RBKS: variants seen among roughly 807,000 people sequenced by gnomAD.
The protein encoded by RBKS is ribokinase.
RBKS carries 33 observed loss-of-function variants against 33.9 expected under a neutral mutation model. The observed-to-expected ratio is 0.97, with a 90% CI of 0.74 to 1.30. The LOEUF (loss-of-function observed/expected upper bound fraction) is 1.30, where lower values mean the gene tolerates loss of function less well. Ranked by LOEUF, RBKS falls within the 50% of genes most tolerant of loss-of-function variation. RBKS has a pLI of 0.00. For missense variants in RBKS, 361 were observed against 392.6 expected (o/e 0.92, Z 0.68); for synonymous variants, 125 against 143.0 (o/e 0.87, Z 0.90).
At chr2:27,791,244 C>T (rs1266953046) in intron 7 of RBKS, among the ~76,000 whole-genome samples, 1 of 152,044 alleles carries the variant, frequency 6.6e-6, no homozygotes, top group African/African-American at 2.4e-5. Context: ...GAATGATGCC[C>T]ACATAGCTGG....
At chr2:27,872,151 C>T (rs965546076) in intron 1 of RBKS, among the ~76,000 whole-genome samples, 2 of 152,194 alleles carry the variant, frequency 1.3e-5, no homozygotes, top group Admixed American at 1.3e-4. Context: ...GTTCTTAACA[C>T]ACCACAGATC....
intron 7 of RBKS, among the ~76,000 whole-genome samples, chr2:27,823,678 G>A (rs1209236885): frequency 6.6e-6 from 1 of 152,116 alleles, no homozygotes; most frequent in South Asian, 2.1e-4. Context: ...GAAAGTGCTG[G>A]ATGAGAGGAC....
chr2:27,832,697 T>A lies in RBKS; in HGVS notation c.595A>T (p.Asn199Tyr). The change falls in exon 6 of 8, where the codon AAT (asparagine) becomes TAT (tyrosine). Residue 199 changes from asparagine (N) to tyrosine (Y), a missense_variant. Physicochemically the swap from Asn to Tyr is moderately radical, Grantham distance 143 (BLOSUM62 -2). Transcript: ENST00000302188. ...CAATTCACCCTTACCTCACTTTCAT[T>A]GCAGCAGAACACATCTGAGAGGGTG... ...FYTLSDVFCCNESEAEILTGL... is the reference protein window; with the variant it reads ...FYTLSDVFCCYESEAEILTGL... 1 of 1,611,274 alleles carries A rather than the reference T, an allele frequency of 6.2e-7. No homozygotes were observed. The highest frequency in any genetic ancestry group is 8.5e-7 in the Non-Finnish European group (1 of 1,177,636).
chr2:27,865,276 C>T (rs933010185), intron 1 of RBKS, among the ~76,000 whole-genome samples: 27 of 152,228 alleles, frequency 1.8e-4, no homozygotes, highest in African/African-American at 5.1e-4. Flanking sequence ...GCCGAGATCG[C>T]GCCACTGAAC....
At position 27,810,287 on chromosome 2, in the gene RBKS, G is replaced by C. The variant is rs116792088; in HGVS notation, c.795+17280C>G. On this transcript the variant is annotated intron_variant, in intron 7 of 7. Coordinates refer to ENST00000302188, the MANE Select transcript of RBKS (RefSeq NM_022128.3). The surrounding 1 kb of genome is among the most constrained non-coding windows in gnomAD (Gnocchi z 4.4). ...TAGTGTCTAAGGCACAGGTGGTAGG[G>C]CAAGTATCTGAACTAGCATTATGTT... Among the ~76,000 whole-genome samples, 2,692 of 152,230 alleles carry C rather than the reference G, an allele frequency of 0.018. 84 individuals are homozygous for C. Among genetic ancestry groups the C allele is most frequent in the African/African-American group, 0.06 (2,506 of 41,520 alleles).
chr2:27,801,963 AATATATAT>A (rs869036134), intron 7 of RBKS, among the ~76,000 whole-genome samples: 11 of 47,614 alleles, frequency 2.3e-4, no homozygotes, highest in Admixed American at 2.7e-4. Context: ...AAAAAAAAAA[AATATATAT>A]ATATATATAT....
At chr2:27,847,207 C>T in intron 3 of RBKS, 103 bp from the exon 4 acceptor site, 1 of 663,920 alleles carries the variant, frequency 1.5e-6, no homozygotes, top group Non-Finnish European at 2.7e-6. Context: ...ACCTTTTTAA[C>T]CTTTAACCAT....
At chr2:27,817,140 G>C (rs540850629) in intron 7 of RBKS, among the ~76,000 whole-genome samples, 2 of 152,282 alleles carry the variant, frequency 1.3e-5, no homozygotes, top group African/African-American at 4.8e-5. Context: ...ATTATTTGCA[G>C]AGGGCCTGTT....
chr2:27,784,144 C>G (rs1244592922), intron 7 of RBKS, among the ~76,000 whole-genome samples: 1 of 149,796 alleles, frequency 6.7e-6, no homozygotes, highest in Non-Finnish European at 1.5e-5. Context: ...CCACTACGCC[C>G]GGCTAATTTT....
chr2:27,790,055 C>T (rs978859102), intron 7 of RBKS, among the ~76,000 whole-genome samples: 2 of 150,206 alleles, frequency 1.3e-5, no homozygotes, highest in African/African-American at 4.9e-5. Context: ...GTCTTGAACT[C>T]CTAGGCTCAA....
At chr2:27,856,478 G>A (rs1396466119) in intron 2 of RBKS, among the ~76,000 whole-genome samples, 2 of 152,082 alleles carry the variant, frequency 1.3e-5, no homozygotes, top group Non-Finnish European at 2.9e-5. Flanking sequence ...CATTTCCCAC[G>A]TTCAGTTCCA....
intron 7 of RBKS, among the ~76,000 whole-genome samples, chr2:27,822,103 T>C (rs1678223546): frequency 6.6e-6 from 1 of 151,554 alleles, no homozygotes; most frequent in Non-Finnish European, 1.5e-5. Context: ...AGAAGAAGAG[T>C]CTGCTGGGGA....
chr2:27,853,134 G>C (rs1437553392), intron 2 of RBKS, among the ~76,000 whole-genome samples: 1 of 152,116 alleles, frequency 6.6e-6, no homozygotes, highest in Non-Finnish European at 1.5e-5. Flanking sequence ...GGGAGGCTGA[G>C]GTGGTAAGAC....
chr2:27,781,476 A>C lies in RBKS; in HGVS notation c.*139T>G. ...AGAATCATCGTTATAAATAAATTGA[A>C]GCTTGAGGATGACTTCGTAAAAGAA... On this transcript the variant is annotated 3_prime_UTR_variant, in exon 8 of 8. Coordinates refer to ENST00000302188, the MANE Select transcript of RBKS (RefSeq NM_022128.3). The C allele has an allele frequency of 1.6e-6, 1 of 635,868 alleles. No homozygotes were observed. Among genetic ancestry groups the C allele is most frequent in the Non-Finnish European group, 2.6e-6 (1 of 380,336 alleles). 39.4% of individuals were successfully genotyped at this position (635,868 alleles called of 1,614,324 possible).
intron 7 of RBKS, among the ~76,000 whole-genome samples, chr2:27,806,999 T>C (rs1246184631): frequency 1.3e-5 from 2 of 152,182 alleles, no homozygotes; most frequent in Non-Finnish European, 2.9e-5. Flanking sequence ...CCAAGTCTAA[T>C]GATTAAGGTG....
intron 7 of RBKS, among the ~76,000 whole-genome samples, chr2:27,796,748 C>G (rs929897120): frequency 3.3e-5 from 5 of 151,998 alleles, no homozygotes; most frequent in South Asian, 2.1e-4. Context: ...AGGGGAGAAT[C>G]TGAGAGGCAG....
At chr2:27,865,639 C>G (rs1161615891) in intron 1 of RBKS, among the ~76,000 whole-genome samples, 1 of 146,046 alleles carries the variant, frequency 6.8e-6, no homozygotes, top group Non-Finnish European at 1.5e-5. Flanking sequence ...GTCTTGAACT[C>G]CTGGCCTAAA....
intron 2 of RBKS, among the ~76,000 whole-genome samples, chr2:27,857,238 T>G (rs2148218715): frequency 6.6e-6 from 1 of 152,360 alleles, no homozygotes; most frequent in Non-Finnish European, 1.5e-5. Flanking sequence ...TTAAGTTCCT[T>G]GTATTTTTCT....
chr2:27,889,587 C>T (rs1232796332), intron 1 of RBKS, among the ~76,000 whole-genome samples: 2 of 152,142 alleles, frequency 1.3e-5, no homozygotes, highest in Non-Finnish European at 2.9e-5. Context: ...CCTAACTCAA[C>T]AATTTTCATT....
Sources: allele counts gnomAD v4.1 joint callset (sites outside exome capture counted in the v4.1 genomes callset), GRCh38; gene constraint gnomAD v4.1.1; non-coding constraint Gnocchi (gnomAD v3.1); transcripts MANE v1.5; gene names NCBI Gene and HGNC (gene_info 2026-07-23, HGNC 2026-07-21).